Variants in UNC5D observed in about 807,000 individuals in gnomAD.
UNC5D encodes netrin receptor UNC5D.
A neutral mutation model predicts 105.4 loss-of-function variants in UNC5D; 39 were observed. The ratio of observed to expected loss-of-function variants is 0.37; its 90% CI spans 0.29 to 0.48. The LOEUF is 0.48. Among genes scored for constraint, UNC5D ranks in the 20% least tolerant of loss-of-function variants. The pLI is 0.98. For synonymous variants in UNC5D, 452 were observed against 450.4 expected (o/e 1.00, Z -0.04); for missense variants, 991 against 1,202.4 (o/e 0.82, Z 2.60).
At chr8:35,656,576 A>G (rs1211746588) in intron 4 of UNC5D, among the ~76,000 whole-genome samples, 1 of 152,182 alleles carries the variant, frequency 6.6e-6, no homozygotes, top group Non-Finnish European at 1.5e-5. Flanking sequence ...TTCTCAAATC[A>G]GAGCATAGAG....
intron 1 of UNC5D, among the ~76,000 whole-genome samples, chr8:35,413,257 C>CTGTGTG (rs1183992855): frequency 7.4e-4 from 96 of 130,116 alleles, no homozygotes; most frequent in African/African-American, 2.8e-3. Context: ...GGGGGCGGGT[C>CTGTGTG]TGTGTGTGTG....
chr8:35,324,571 G>A, intron 1 of UNC5D, among the ~76,000 whole-genome samples: 1 of 152,046 alleles, frequency 6.6e-6, no homozygotes, highest in Non-Finnish European at 1.5e-5. Context: ...TTTCTCATAG[G>A]TAACTGCAGC....
intron 1 of UNC5D, among the ~76,000 whole-genome samples, chr8:35,378,077 G>A (rs575058087): frequency 3.3e-5 from 5 of 151,952 alleles, no homozygotes; most frequent in South Asian, 2.1e-4. Flanking sequence ...CTCACATGCC[G>A]TCACTCTATG....
chr8:35,298,485 A>G (rs540603711), intron 1 of UNC5D, among the ~76,000 whole-genome samples: 1 of 152,226 alleles, frequency 6.6e-6, no homozygotes, highest in Admixed American at 6.5e-5. Context: ...CACTTTAACA[A>G]AACACAATTT....
chr8:35,653,122 G>A (rs370583042), intron 4 of UNC5D, among the ~76,000 whole-genome samples: 5 of 151,540 alleles, frequency 3.3e-5, no homozygotes, highest in African/African-American at 1.2e-4. Context: ...TAAAGATGGG[G>A]TTTCATCATG....
chr8:35,770,452 T>A (rs1285795194), intron 15 of UNC5D, among the ~76,000 whole-genome samples: 1 of 152,158 alleles, frequency 6.6e-6, no homozygotes, highest in South Asian at 2.1e-4. Context: ...ACCTTCACAC[T>A]TAAAAGTTAT....
At position 35,705,244 on chromosome 8, in the gene UNC5D, G is replaced by A. The variant is rs528741635; in HGVS notation, c.1085-685G>A. ...CTCCCAAAGTGCTGGGATTATAGGC[G>A]TGAGCCACCCTGCCCAACCTAATGC... is the stretch of plus-strand genomic sequence containing the variant. On this transcript the variant is annotated intron_variant, in intron 7 of 16. Transcript: ENST00000404895. Among the ~76,000 whole-genome samples, 382 of 152,242 alleles carry A rather than the reference G, an allele frequency of 2.5e-3. 1 individual carries two copies. Among genetic ancestry groups the A allele is most frequent in the Middle Eastern group, 6.8e-3 (2 of 294 alleles).
chr8:35,242,092 T>C (rs1802839278), intron 1 of UNC5D, among the ~76,000 whole-genome samples: 1 of 152,156 alleles, frequency 6.6e-6, no homozygotes, highest in African/African-American at 2.4e-5. Context: ...ATTACTGGAT[T>C]CATAAGGTGC....
rs534560070 is a variant in UNC5D at position 35,363,509 on chromosome 8, G to A, written c.103+127622G>A. 1.8e-4 allele frequency among the ~76,000 whole-genome samples: 27 copies of A among 152,220 alleles called. No homozygotes were observed. The South Asian group carries it at 5.6e-3, about 32-fold the overall frequency. On this transcript the variant is annotated intron_variant, in intron 1 of 16. Transcript: ENST00000404895. Reference sequence around the variant, plus strand: ...AGCCAAACCATATTATAAGCTATATGTCCACTTGGGCATCTCTGGTATTTC... The same window carrying A: ...AGCCAAACCATATTATAAGCTATATATCCACTTGGGCATCTCTGGTATTTC...
intron 1 of UNC5D, among the ~76,000 whole-genome samples, chr8:35,474,644 C>T (rs1444532880): frequency 1.3e-5 from 2 of 152,120 alleles, no homozygotes; most frequent in African/African-American, 2.4e-5. Context: ...CCCCCTGTGG[C>T]GATTGGCACC....
At chr8:35,435,008 A>G (rs1212206857) in intron 1 of UNC5D, among the ~76,000 whole-genome samples, 1 of 152,038 alleles carries the variant, frequency 6.6e-6, no homozygotes, top group Non-Finnish European at 1.5e-5. Flanking sequence ...GAATCCTTCT[A>G]CATTAACTGG....
At chr8:35,638,180 A>T (rs1345731732) in intron 4 of UNC5D, among the ~76,000 whole-genome samples, 4 of 152,144 alleles carry the variant, frequency 2.6e-5, no homozygotes, top group African/African-American at 9.7e-5. Flanking sequence ...TCCTGTACAT[A>T]TTTTTTTGAG....
chr8:35,670,923 TCA>T (rs1398209226), intron 4 of UNC5D, among the ~76,000 whole-genome samples: 4 of 152,154 alleles, frequency 2.6e-5, no homozygotes, highest in African/African-American at 9.7e-5. Flanking sequence ...TCTTTGATGT[TCA>T]GTTATTTTTA....
chr8:35,727,560 C>A (rs1025918457), intron 10 of UNC5D: 6 of 152,184 alleles, frequency 3.9e-5, no homozygotes, highest in African/African-American at 1.2e-4. Flanking sequence ...AAATTCATTT[C>A]TAGTTGATGA....
At chr8:35,617,329 A>C (rs1821090203) in intron 4 of UNC5D, among the ~76,000 whole-genome samples, 1 of 152,180 alleles carries the variant, frequency 6.6e-6, no homozygotes, top group African/African-American at 2.4e-5. Context: ...TTTTCTGCGT[A>C]ACTGCTAGTA....
intron 4 of UNC5D, among the ~76,000 whole-genome samples, chr8:35,626,531 G>A (rs1821709686): frequency 1.3e-5 from 2 of 152,306 alleles, no homozygotes; most frequent in South Asian, 2.1e-4. Flanking sequence ...TCTGTAAGGT[G>A]TTGCATTTAT....
At chr8:35,264,374 G>GAATAGGACATAGAT (rs1228934403) in intron 1 of UNC5D, among the ~76,000 whole-genome samples, 1 of 151,922 alleles carries the variant, frequency 6.6e-6, no homozygotes, top group Non-Finnish European at 1.5e-5. Context: ...AGGACATAGA[G>GAATAGGACATAGAT]AATACTTCGT....
chr8:35,782,942 C>T (rs759198042), intron 16 of UNC5D, among the ~76,000 whole-genome samples: 1 of 151,838 alleles, frequency 6.6e-6, no homozygotes, highest in Non-Finnish European at 1.5e-5. Flanking sequence ...CAAGGTGAGC[C>T]CTGGCAACAT....
chr8:35,761,471 C>A (rs1329512596), intron 14 of UNC5D, among the ~76,000 whole-genome samples: 1 of 152,134 alleles, frequency 6.6e-6, no homozygotes, highest in African/African-American at 2.4e-5. Flanking sequence ...TACAAGAGGA[C>A]CAGCCAAAGC....
Sources: allele counts gnomAD v4.1 joint callset (sites outside exome capture counted in the v4.1 genomes callset), GRCh38; gene constraint gnomAD v4.1.1; transcripts MANE v1.5; gene names NCBI Gene and HGNC (gene_info 2026-07-23, HGNC 2026-07-21).